The following CNTN4 variants were observed in gnomAD, a reference collection of about 807,000 sequenced individuals.
CNTN4 encodes contactin-4.
In CNTN4, 77 loss-of-function variants were observed where a neutral mutation model predicts 122.5. The observed-to-expected ratio is 0.63, with a 90% confidence interval of 0.52 to 0.76. The LOEUF is 0.76. Among genes scored for constraint, CNTN4 ranks in the 30% least tolerant of loss-of-function variants. The pLI, the probability that CNTN4 is intolerant of heterozygous loss-of-function variation, is 0.00. For synonymous variants in CNTN4, 512 were observed against 447.0 expected (o/e 1.15, Z -1.83); for missense variants, 1,256 against 1,259.1 (o/e 1.00, Z 0.04).
intron 4 of CNTN4, among the ~76,000 whole-genome samples, chr3:2,599,085 A>G (rs1270369230): frequency 1.3e-5 from 2 of 152,212 alleles, no homozygotes; most frequent in African/African-American, 4.8e-5. Flanking sequence ...ATCATTAAAA[A>G]TAGCAACACT....
At chr3:2,347,961 T>C (rs532135737) in intron 3 of CNTN4, among the ~76,000 whole-genome samples, 2 of 152,284 alleles carry the variant, frequency 1.3e-5, no homozygotes, top group East Asian at 3.9e-4. Flanking sequence ...TCTTTTATTA[T>C]TTTTATTGTT....
intron 2 of CNTN4, among the ~76,000 whole-genome samples, chr3:2,210,519 T>C (rs779771077): frequency 1.3e-5 from 2 of 152,182 alleles, no homozygotes; most frequent in Non-Finnish European, 2.9e-5. Flanking sequence ...GTGTAATCTT[T>C]ATAACAGATG....
intron 4 of CNTN4, among the ~76,000 whole-genome samples, chr3:2,700,228 T>A (rs1576493819): frequency 1.3e-5 from 2 of 152,208 alleles, no homozygotes; most frequent in Admixed American, 1.3e-4. Flanking sequence ...AAATTAGAGA[T>A]GTAATAACCT....
intron 2 of CNTN4, among the ~76,000 whole-genome samples, chr3:2,252,991 T>C (rs1153504): frequency 0.1 from 15,247 of 152,122 alleles, 1,073 homozygotes; most frequent in African/African-American, 0.2. Flanking sequence ...CAGTAATACA[T>C]GCACAGCACA....
chr3:3,043,081 G>C lies in CNTN4; in HGVS notation c.2616G>C (p.Leu872=). ...TCACGAACTTAAAAGGCAGTGTGCT[G>C]TATCACTTAGCTGTCAAGGCATATA... The part of the protein sequence containing the change: ...TKITNLKGSV[L]YHLAVKAYNS... Residue 872 remains leucine (L), a synonymous_variant, in exon 22 of 25, where the codon CTG becomes CTC. Coordinates refer to ENST00000418658, the MANE Select transcript of CNTN4 (RefSeq NM_175607.3). 2.5e-6 allele frequency: 4 copies of C among 1,614,188 alleles called. No homozygotes were observed.
At chr3:2,492,062 A>G (rs66610175) in intron 3 of CNTN4, among the ~76,000 whole-genome samples, 16,606 of 152,206 alleles carry the variant, frequency 0.11, 1,169 homozygotes, top group Middle Eastern at 0.17. Flanking sequence ...AAAAAAATCT[A>G]TGCACCTTTC....
At chr3:2,543,586 G>C (rs933346807) in intron 3 of CNTN4, among the ~76,000 whole-genome samples, 1 of 152,062 alleles carries the variant, frequency 6.6e-6, no homozygotes, top group African/African-American at 2.4e-5. Context: ...TCGATTTTTA[G>C]CTTCAGTGAG....
intron 3 of CNTN4, among the ~76,000 whole-genome samples, chr3:2,390,854 G>A (rs1357800416): frequency 2.0e-5 from 3 of 151,994 alleles, no homozygotes; most frequent in East Asian, 1.9e-4. Context: ...TGAATTGCCC[G>A]ACCCAAACCT....
rs1313473640 is a variant in CNTN4 at position 2,238,842 on chromosome 3, C to T, written c.-144-100336C>T. ...TCCCGGGTTCCCGCCATTCTCCCGCCTCAGCCTCCCGAGTAGCTGGGACTA... is the reference window on the plus strand; with the variant it reads ...TCCCGGGTTCCCGCCATTCTCCCGCTTCAGCCTCCCGAGTAGCTGGGACTA... On this transcript the variant is annotated intron_variant, in intron 2 of 24. Coordinates refer to ENST00000418658, the MANE Select transcript of CNTN4 (RefSeq NM_175607.3). The T allele has an allele frequency of 1.4e-4, 14 of 100,246 alleles. 4 individuals are homozygous for T. The East Asian group carries it at 3.4e-3, about 24-fold the overall frequency. The allele number at this position is 100,246 out of a possible 1,614,324, so 6.2% of individuals were successfully genotyped here.
chr3:2,534,604 T>C (rs2077726641), intron 3 of CNTN4, among the ~76,000 whole-genome samples: 1 of 151,916 alleles, frequency 6.6e-6, no homozygotes, highest in South Asian at 2.1e-4. Flanking sequence ...TCTGGATTCC[T>C]TCTGGTCATT....
intron 7 of CNTN4, among the ~76,000 whole-genome samples, chr3:2,850,321 G>T (rs2093528567): frequency 6.6e-6 from 1 of 152,136 alleles, no homozygotes; most frequent in Non-Finnish European, 1.5e-5. Flanking sequence ...ACAGTAGCAT[G>T]GTAAACAGAA....
intron 2 of CNTN4, among the ~76,000 whole-genome samples, chr3:2,112,707 A>G (rs2033057715): frequency 1.3e-5 from 2 of 152,130 alleles, no homozygotes; most frequent in South Asian, 2.1e-4. Flanking sequence ...TTACTTTTAT[A>G]TGTTTCTTTC....
chr3:2,988,447 C>T lies in CNTN4; in HGVS notation c.1461C>T (p.Ser487=). Residue 487 remains serine (S), a synonymous_variant, in exon 14 of 25, where the codon AGC becomes AGT. Coordinates refer to ENST00000418658, the MANE Select transcript of CNTN4 (RefSeq NM_175607.3). ...CIATNHFGTA[S]STGNLVVKDP... is the part of the protein sequence containing the mutation. ...CCACTAACCATTTTGGAACTGCTAG[C>T]AGTACTGGAAACTTGGTAGTGAAAG... The T allele has an allele frequency of 6.2e-7, 1 of 1,613,748 alleles. No individual in the cohort carries two copies. Among genetic ancestry groups the T allele is most frequent in the South Asian group, 1.1e-5 (1 of 91,066 alleles).
chr3:2,656,815 G>A (rs1020762825), intron 4 of CNTN4, among the ~76,000 whole-genome samples: 27 of 152,134 alleles, frequency 1.8e-4, no homozygotes, highest in African/African-American at 4.8e-4. Context: ...TATTCTATTC[G>A]TACCTTATCA....
intron 20 of CNTN4, chr3:3,041,288 C>G (rs145699243): frequency 5.4e-4 from 82 of 152,406 alleles, no homozygotes; most frequent in African/African-American, 1.8e-3. Flanking sequence ...GCTGCTGATG[C>G]CTTTCCCTGC....
intron 2 of CNTN4, among the ~76,000 whole-genome samples, chr3:2,227,638 A>T (rs573779953): frequency 5.9e-5 from 9 of 152,190 alleles, no homozygotes; most frequent in Non-Finnish European, 1.3e-4. Flanking sequence ...TGGGTAAGTA[A>T]TAAGAACACA....
At chr3:2,853,311 C>G (rs2093577523) in intron 7 of CNTN4, among the ~76,000 whole-genome samples, 1 of 152,106 alleles carries the variant, frequency 6.6e-6, no homozygotes, top group Admixed American at 6.5e-5. Context: ...GTGGTGCGAT[C>G]TCGGCTCACT....
intron 3 of CNTN4, among the ~76,000 whole-genome samples, chr3:2,417,134 G>A (rs2047446850): frequency 6.6e-6 from 1 of 152,176 alleles, no homozygotes; most frequent in Non-Finnish European, 1.5e-5. Flanking sequence ...CCAGACAGAA[G>A]CACATCTGCT....
chr3:2,507,458 G>A (rs2076761221), intron 3 of CNTN4, among the ~76,000 whole-genome samples: 1 of 152,026 alleles, frequency 6.6e-6, no homozygotes, highest in Non-Finnish European at 1.5e-5. Flanking sequence ...GCTCATGACT[G>A]TAATCCCAGC....
Sources: allele counts gnomAD v4.1 joint callset (sites outside exome capture counted in the v4.1 genomes callset), GRCh38; gene constraint gnomAD v4.1.1; transcripts MANE v1.5; gene names NCBI Gene and HGNC (gene_info 2026-07-23, HGNC 2026-07-21).